MTHFD1L: variants seen among roughly 807,000 people sequenced by gnomAD.
MTHFD1L encodes the protein methylenetetrahydrofolate dehydrogenase (NADP+ dependent) 1 like.
MTHFD1L carries 81 observed loss-of-function variants against 119.5 expected under a neutral mutation model. The ratio of observed to expected loss-of-function variants is 0.68; its 90% CI spans 0.57 to 0.82. The LOEUF (loss-of-function observed/expected upper bound fraction) is 0.82. MTHFD1L is among the 40% of genes least tolerant of loss of function. The probability of loss-of-function intolerance (pLI) is 0.00; values close to 1 mark genes in which losing one functional copy is unlikely to be tolerated. For synonymous variants in MTHFD1L, 430 were observed against 475.2 expected (o/e 0.90, Z 1.24); for missense variants, 1,125 against 1,253.4 (o/e 0.90, Z 1.55).
chr6:151,011,304 G>C (rs749432768), intron 21 of MTHFD1L, among the ~76,000 whole-genome samples: 36 of 152,190 alleles, frequency 2.4e-4, no homozygotes, highest in Admixed American at 3.3e-4. Flanking sequence ...CATTGAATCT[G>C]TATAACAACT....
chr6:150,916,737 CTTTT>C (rs57961829), intron 8 of MTHFD1L, among the ~76,000 whole-genome samples: 10 of 72,108 alleles, frequency 1.4e-4, no homozygotes, highest in African/African-American at 4.4e-4. Flanking sequence ...GATTCTATCC[CTTTT>C]TTTTTTTTTT....
chr6:151,036,233 T>C lies in MTHFD1L; in HGVS notation c.2695-732T>C, dbSNP rs139853194. 2.6e-3 allele frequency among the ~76,000 whole-genome samples: 398 copies of C among 152,302 alleles called. 2 individuals are homozygous for C. The highest frequency in any genetic ancestry group is 9.5e-3 in the South Asian group (46 of 4,826). On this transcript the variant is annotated intron_variant, in intron 25 of 27. Coordinates refer to ENST00000367321, the MANE Select transcript of MTHFD1L (RefSeq NM_015440.5). ...GAGTTTGAGACCACTCTGGGCAACA[T>C]AGCAAAACCTCCATCTCTATTTTTA... is the stretch of plus-strand genomic sequence containing the variant.
intron 24 of MTHFD1L, among the ~76,000 whole-genome samples, chr6:151,028,468 T>C (rs1388545939): frequency 6.6e-6 from 1 of 152,136 alleles, no homozygotes; most frequent in African/African-American, 2.4e-5. Flanking sequence ...ACACATACTA[T>C]GGAACATTAT....
At chr6:150,933,543 G>A (rs547792175) in intron 11 of MTHFD1L, among the ~76,000 whole-genome samples, 4 of 152,210 alleles carry the variant, frequency 2.6e-5, no homozygotes, top group South Asian at 2.1e-4. Context: ...CTGATAAGCC[G>A]GGGTCATGTG....
At chr6:151,015,206 C>CT (rs58646889) in intron 23 of MTHFD1L, among the ~76,000 whole-genome samples, 3,751 of 76,876 alleles carry the variant, frequency 0.049, 173 homozygotes, top group African/African-American at 0.13. Flanking sequence ...ATCTCCTTGG[C>CT]TTTTTTTTTT....
chr6:150,881,683 TTTA>T (rs1248824870), intron 4 of MTHFD1L, among the ~76,000 whole-genome samples: 6 of 152,096 alleles, frequency 3.9e-5, no homozygotes, highest in African/African-American at 1.2e-4. Context: ...TTCCAGTGAT[TTTA>T]TTATTATTAT....
chr6:151,095,285 C>T (rs148563883), intron 27 of MTHFD1L, among the ~76,000 whole-genome samples: 76 of 152,336 alleles, frequency 5.0e-4, no homozygotes, highest in Middle Eastern at 3.4e-3. Flanking sequence ...TTCCATTCCC[C>T]AGTAAGGCTG....
At chr6:150,898,444 C>T (rs979638779) in intron 7 of MTHFD1L, among the ~76,000 whole-genome samples, 5 of 152,248 alleles carry the variant, frequency 3.3e-5, no homozygotes, top group Middle Eastern at 3.4e-3. Context: ...TCAAAGGAAA[C>T]GGAATGCAGA....
At chr6:150,933,231 T>C (rs1791463715) in intron 11 of MTHFD1L, among the ~76,000 whole-genome samples, 1 of 152,116 alleles carries the variant, frequency 6.6e-6, no homozygotes, top group African/African-American at 2.4e-5. Context: ...GCAGCTATGC[T>C]AGCATATCCT....
intron 10 of MTHFD1L, among the ~76,000 whole-genome samples, chr6:150,925,155 C>T (rs1443735496): frequency 1.3e-5 from 2 of 152,074 alleles, no homozygotes; most frequent in East Asian, 3.9e-4. Context: ...GGTTGATCTG[C>T]CCACCGCAAG....
At chr6:150,943,504 C>A (rs1446938768) in intron 13 of MTHFD1L, among the ~76,000 whole-genome samples, 1 of 151,980 alleles carries the variant, frequency 6.6e-6, no homozygotes, top group Non-Finnish European at 1.5e-5. Context: ...AAAGAGAGCT[C>A]ATTTAACCTA....
chr6:151,035,291 G>T (rs1007801949), intron 25 of MTHFD1L, among the ~76,000 whole-genome samples: 2 of 152,162 alleles, frequency 1.3e-5, no homozygotes, highest in African/African-American at 4.8e-5. Flanking sequence ...TATGCCTCGA[G>T]TGTCCCTCCT....
chr6:150,984,127 A>G (rs1399689705), intron 20 of MTHFD1L, among the ~76,000 whole-genome samples: 2 of 152,346 alleles, frequency 1.3e-5, no homozygotes, highest in Middle Eastern at 3.4e-3. Flanking sequence ...TAATATTTTT[A>G]TAAAATTCTT....
chr6:150,946,322 G>A (rs1793933758), intron 15 of MTHFD1L, among the ~76,000 whole-genome samples: 1 of 152,168 alleles, frequency 6.6e-6, no homozygotes, highest in South Asian at 2.1e-4. Flanking sequence ...GCTAATTTTT[G>A]TATTTTCAGT....
Position 151,000,348 on chromosome 6 carries a change from A to G in MTHFD1L, c.2126-9471A>G, listed in dbSNP as rs901596094. Among the ~76,000 whole-genome samples the G allele has an allele frequency of 3.3e-3, 497 of 152,048 alleles. 5 individuals are homozygous for G. Among genetic ancestry groups the G allele is most frequent in the African/African-American group, 0.011 (467 of 41,496 alleles). ...GAGACTCTGTCTCAAAAAAAAAAAA[A>G]AAAAGAAAAAAATTGAGGTTTGTGC... On this transcript the variant is annotated intron_variant, in intron 20 of 27. Transcript: ENST00000367321.
Position 150,978,062 on chromosome 6 carries a change from G to A in MTHFD1L, c.2125+6004G>A, listed in dbSNP as rs571361342. Reference sequence around the variant, plus strand: ...ATTACAGGCGCATGCCACCACACTCGGCTAATTTTTGTATTTTCAGTAGAG... The same window carrying A: ...ATTACAGGCGCATGCCACCACACTCAGCTAATTTTTGTATTTTCAGTAGAG... On this transcript the variant is annotated intron_variant, in intron 20 of 27. Transcript: ENST00000367321. Among the ~76,000 whole-genome samples, 11 of 152,024 alleles carry A rather than the reference G, an allele frequency of 7.2e-5. No individual in the cohort carries two copies. The East Asian group carries it at 7.8e-4, about 11-fold the overall frequency.
chr6:150,976,492 A>G (rs1238374015), intron 20 of MTHFD1L, among the ~76,000 whole-genome samples: 1 of 152,240 alleles, frequency 6.6e-6, no homozygotes, highest in Non-Finnish European at 1.5e-5. Flanking sequence ...ATCCTTCTAC[A>G]GAAGTTAAAT....
At chr6:151,006,151 G>A (rs924804484) in intron 20 of MTHFD1L, among the ~76,000 whole-genome samples, 33 of 145,606 alleles carry the variant, frequency 2.3e-4, no homozygotes, top group Non-Finnish European at 4.5e-5. Flanking sequence ...GCTGCATGTG[G>A]TGACAGATGA....
rs1199249309 is a variant in MTHFD1L at position 151,009,824 on chromosome 6, G to A, written c.2131G>A (p.Glu711Lys). The change falls in exon 21 of 28, where the codon GAA becomes AAA. Residue 711 changes from glutamate (E) to lysine (K), a missense_variant. This residue lies in a region of MTHFD1L where 1,058 missense variants were observed against 1,151.2 expected (regional missense o/e 0.92). Transcript: ENST00000367321. ...TTCCACTTGCTTCCCCACAGTGACC[G>A]AAGCTGGCTTTGGTGCTGACATCGG... ...LVGEEGFVVT[E>K]AGFGADIGME... The A allele has an allele frequency of 4.3e-6, 7 of 1,613,658 alleles. No homozygotes were observed. The highest frequency in any genetic ancestry group is 4.2e-6 in the Non-Finnish European group (5 of 1,179,856).
Sources: gnomAD v4.1 joint callset for allele counts (sites outside exome capture counted in the v4.1 genomes callset) on GRCh38, gnomAD v4.1.1 for gene constraint, gnomAD v4.1.1 regional missense constraint, MANE v1.5 for transcripts, NCBI Gene and HGNC (gene_info 2026-07-23, HGNC 2026-07-21) for gene names.